The following ALOX12 variants were observed in gnomAD, a reference collection of about 807,000 sequenced individuals.
ALOX12 encodes polyunsaturated fatty acid lipoxygenase ALOX12.
A neutral mutation model predicts 85.5 loss-of-function variants in ALOX12; 62 were observed. The ratio of observed to expected loss-of-function variants is 0.73; its 90% CI spans 0.59 to 0.90. The LOEUF is 0.90. ALOX12 is among the 40% of genes least tolerant of loss of function. ALOX12 has a pLI of 0.00. For missense variants in ALOX12, 751 were observed against 856.5 expected, an observed-to-expected ratio of 0.88 and a Z score of 1.54; for synonymous variants, 299 against 332.7, an observed-to-expected ratio of 0.90 and a Z score of 1.10.
intron 5 of ALOX12, 125 bp downstream of exon 5, chr17:6,999,181 C>G: frequency 6.8e-7 from 1 of 1,480,956 alleles, no homozygotes; most frequent in Non-Finnish European, 9.3e-7. Context: ...CTCAGAGAGG[C>G]CTTGAGAATG....
chr17:6,997,337 G>A (rs1422603422), intron 2 of ALOX12, among the ~76,000 whole-genome samples: 1 of 151,936 alleles, frequency 6.6e-6, no homozygotes, highest in Admixed American at 6.6e-5. Flanking sequence ...GAAGCAAAGT[G>A]AAAGTAGGAA....
At chr17:7,001,335 C>T in intron 7 of ALOX12, 1 of 507,540 alleles carries the variant, frequency 2.0e-6, no homozygotes, top group Non-Finnish European at 3.5e-6. Flanking sequence ...CCACCACCAT[C>T]TGAGCGCCGA....
chr17:7,010,232 G>A lies in ALOX12; in HGVS notation c.1813-12G>A. On this transcript the variant is annotated splice_polypyrimidine_tract_variant and intron_variant, in intron 13 of 13. Transcript: ENST00000251535. The stretch of plus-strand genomic sequence containing the variant: ...GTCTTTAGAAACTGACTGATCCTTT[G>A]TTCTGTCTCAGGTGCCTCTGGGGCA... 6.2e-7 allele frequency: 1 copy of A among 1,611,446 alleles called. No homozygotes were observed. Among genetic ancestry groups the A allele is most frequent in the Admixed American group, 1.7e-5 (1 of 59,608 alleles).
rs1002212758 is a variant in ALOX12 at position 7,000,715 on chromosome 17, T to C, written c.951+236T>C. ...ATCCTGTATCCAATGGTCCTCACACTTCAGTGTGCATCAGAATCACCTGAA... is the reference window on the plus strand; with the variant it reads ...ATCCTGTATCCAATGGTCCTCACACCTCAGTGTGCATCAGAATCACCTGAA... On this transcript the variant is annotated intron_variant, in intron 7 of 13. Coordinates refer to ENST00000251535, the MANE Select transcript of ALOX12 (RefSeq NM_000697.3). The surrounding 1 kb of genome is among the most constrained non-coding windows in gnomAD (Gnocchi z 4.6). Among the ~76,000 whole-genome samples the C allele has an allele frequency of 6.6e-6, 1 of 152,198 alleles. No homozygotes were observed. The highest frequency in any genetic ancestry group is 1.5e-5 in the Non-Finnish European group (1 of 68,038).
At chr17:7,005,800 G>T in intron 9 of ALOX12, 58 bp from the exon 10 acceptor site, 1 of 1,563,520 alleles carries the variant, frequency 6.4e-7, no homozygotes, top group Non-Finnish European at 8.7e-7. Flanking sequence ...CTTTATGGAA[G>T]ATGTGTTGGT....
At chr17:7,007,262 C>T (rs1907030941) in intron 11 of ALOX12, among the ~76,000 whole-genome samples, 1 of 152,204 alleles carries the variant, frequency 6.6e-6, no homozygotes, top group East Asian at 1.9e-4. Flanking sequence ...TCTCACTCCC[C>T]ACATTTGAAC....
intron 9 of ALOX12, among the ~76,000 whole-genome samples, 173 bp from the exon 10 acceptor site, chr17:7,005,685 T>C (rs1395226010): frequency 6.6e-6 from 1 of 151,930 alleles, no homozygotes; most frequent in Admixed American, 6.6e-5. Context: ...TTCACTGTGT[T>C]GGCCAGACTG....
chr17:7,009,379 A>G (rs1470117084), intron 11 of ALOX12: 4 of 213,392 alleles, frequency 1.9e-5, no homozygotes, highest in Non-Finnish European at 3.8e-5. Flanking sequence ...ATTCTTAACC[A>G]CTTTTTGAGG....
At chr17:7,006,062 G>GT (rs761588006) in intron 10 of ALOX12, 35 bp downstream of exon 10, 2 of 171,008 alleles carry the variant, frequency 1.2e-5, no homozygotes, top group Admixed American at 6.3e-5. Flanking sequence ...GGTGGGGCCG[G>GT]GGGGGGGGGG....
intron 4 of ALOX12, 42 bp downstream of exon 4, chr17:6,998,879 A>AG (rs1567717303): frequency 5.0e-6 from 8 of 1,613,988 alleles, no homozygotes; most frequent in Non-Finnish European, 6.8e-6. Flanking sequence ...AAGGGCTGGG[A>AG]GGGCCAAGAA....
chr17:7,010,161 T>C (rs1489579052), intron 13 of ALOX12, 35 bp downstream of exon 13: 1 of 1,599,602 alleles, frequency 6.3e-7, no homozygotes. Context: ...GAAATGACAG[T>C]TGGAAAGGAA....
chr17:6,996,787 T>C (rs775085688), intron 1 of ALOX12, 39 bp from the exon 2 acceptor site: 9 of 1,574,178 alleles, frequency 5.7e-6, no homozygotes, highest in Middle Eastern at 1.7e-4. Context: ...CTCAGTCGGG[T>C]CCCTCCTACT....
At chr17:7,006,174 T>G (rs1597325374) in intron 10 of ALOX12, 147 bp downstream of exon 10, 3 of 710,026 alleles carry the variant, frequency 4.2e-6, no homozygotes, top group African/African-American at 4.2e-5. Flanking sequence ...GAGGACACAG[T>G]GGGTGGCTCT....
At chr17:7,002,260 A>T (rs929807626) in intron 8 of ALOX12, 4 of 338,374 alleles carry the variant, frequency 1.2e-5, no homozygotes, top group African/African-American at 8.7e-5. Flanking sequence ...ACAGACCAAA[A>T]GGCAAGGAAG....
chr17:6,996,127 T>C lies in ALOX12; in HGVS notation c.10T>C (p.Tyr4His). The C allele has an allele frequency of 8.0e-6, 10 of 1,251,158 alleles. No homozygotes were observed. The highest frequency in any genetic ancestry group is 1.0e-5 in the Non-Finnish European group (10 of 991,062). The allele number at this position is 1,251,158 out of a possible 1,614,324, so 77.5% of individuals were successfully genotyped here. MGR[Y>H]RIRVATGAWL... ...GCTGCTGGGGGGCGCCATGGGCCGC[T>C]ACCGCATCCGCGTGGCCACCGGGGC... The change falls in exon 1 of 14, where the codon TAC becomes CAC. Residue 4 changes from tyrosine to histidine, a missense_variant. Physicochemically the swap from Tyr to His is moderately conservative, Grantham distance 83. Transcript: ENST00000251535.
chr17:6,998,981 TA>T lies in ALOX12; in HGVS notation c.572del (p.Tyr191SerfsTer4), dbSNP rs770120946. 6.2e-7 allele frequency: 1 copy of T among 1,614,152 alleles called. No homozygotes were observed. The highest frequency in any genetic ancestry group is 8.5e-7 in the Non-Finnish European group (1 of 1,180,036). ...TCTGGAGATGGCCCTCAAACGTGTT[TA>T]CACCCTCCTGAGCTCCTGGAACTGC... ...GALEMALKRV[Y>X]TLLSSWNCLE... On this transcript the variant is annotated frameshift_variant, in exon 5 of 14. Coordinates refer to ENST00000251535, the MANE Select transcript of ALOX12 (RefSeq NM_000697.3). LOFTEE classifies it high-confidence loss of function.
Position 6,996,929 on chromosome 17 carries a change from G to A in ALOX12, c.239G>A (p.Arg80His), listed in dbSNP as rs147402591. 24 of 1,607,652 alleles carry A rather than the reference G, an allele frequency of 1.5e-5. No individual in the cohort carries two copies. The highest frequency in any genetic ancestry group is 7.8e-5 in the South Asian group (7 of 89,914). The change falls in exon 2 of 14, where the codon CGC becomes CAC. Residue 80 changes from arginine (R) to histidine (H), a missense_variant. Arg to His is a conservative substitution (Grantham distance 29). Coordinates refer to ENST00000251535, the MANE Select transcript of ALOX12 (RefSeq NM_000697.3). The stretch of plus-strand genomic sequence containing the variant: ...GTGGACGACGCGTGGTTCTGCGACC[G>A]CATCACGGTGCAGGGCCCTGGAGCC... ...WLVDDAWFCD[R>H]ITVQGPGACA... is the part of the protein sequence containing the mutation.
At chr17:7,006,630 A>C (rs751413258) in intron 11 of ALOX12, 23 bp downstream of exon 11, 3 of 1,553,464 alleles carry the variant, frequency 1.9e-6, no homozygotes, top group Non-Finnish European at 2.6e-6. Flanking sequence ...CTAGAGACAG[A>C]AGAAGCTCCT....
At chr17:7,003,149 G>T (rs2440128) in intron 8 of ALOX12, among the ~76,000 whole-genome samples, 142,647 of 152,254 alleles carry the variant, frequency 0.94, 67,392 homozygotes, top group Non-Finnish European at 1. Flanking sequence ...TTACAATTCC[G>T]TTTCCTAGTT....
Sources: allele counts gnomAD v4.1 joint callset (sites outside exome capture counted in the v4.1 genomes callset), GRCh38; gene constraint gnomAD v4.1.1; non-coding constraint Gnocchi (gnomAD v3.1); transcripts MANE v1.5; gene names NCBI Gene and HGNC (gene_info 2026-07-23, HGNC 2026-07-21).